The following NEURL1B variants were observed in gnomAD, a reference collection of about 807,000 sequenced individuals.
NEURL1B encodes the protein E3 ubiquitin-protein ligase NEURL1B.
Under a neutral mutation model 37.4 loss-of-function variants are expected in NEURL1B, and 13 were observed. That is an observed-to-expected ratio of 0.35 (90% confidence interval 0.23 to 0.55). The LOEUF (loss-of-function observed/expected upper bound fraction) is 0.55. NEURL1B is among the 20% of genes least tolerant of loss of function. NEURL1B has a pLI of 0.89. For synonymous variants in NEURL1B, 432 were observed against 426.6 expected (o/e 1.01, Z -0.16); for missense variants, 790 against 879.2 (o/e 0.90, Z 1.28).
intron 2 of NEURL1B, among the ~76,000 whole-genome samples, chr5:172,682,432 C>T (rs1386482549): frequency 2.0e-5 from 3 of 152,084 alleles, no homozygotes; most frequent in East Asian, 1.9e-4. Context: ...AAAATTAAGC[C>T]GGGAGTGGTG....
intron 2 of NEURL1B, among the ~76,000 whole-genome samples, chr5:172,679,277 G>A (rs1032857481): frequency 1.3e-5 from 2 of 152,240 alleles, no homozygotes; most frequent in Admixed American, 6.5e-5. Flanking sequence ...ACCTCTCAGC[G>A]CCTCAGTGTT....
intron 2 of NEURL1B, among the ~76,000 whole-genome samples, chr5:172,670,708 C>T (rs1758113607): frequency 6.6e-6 from 1 of 151,584 alleles, no homozygotes; most frequent in Admixed American, 6.6e-5. Context: ...CTCATTCATT[C>T]ATTCACTCAT....
intron 3 of NEURL1B, among the ~76,000 whole-genome samples, chr5:172,685,410 C>T (rs1758473801): frequency 6.6e-6 from 1 of 152,200 alleles, no homozygotes; most frequent in East Asian, 1.9e-4. Context: ...TGCCCATTAT[C>T]TGTCCATTCA....
chr5:172,679,664 C>T (rs1224879701), intron 2 of NEURL1B, among the ~76,000 whole-genome samples: 5 of 152,238 alleles, frequency 3.3e-5, no homozygotes, highest in African/African-American at 1.2e-4. Flanking sequence ...TGAGGGGCTG[C>T]CGTGTGCCAG....
intron 3 of NEURL1B, among the ~76,000 whole-genome samples, chr5:172,685,401 G>C (rs1758473568): frequency 6.6e-6 from 1 of 152,186 alleles, no homozygotes; most frequent in East Asian, 1.9e-4. Flanking sequence ...GAGACGAAGT[G>C]CCCATTATCT....
intron 1 of NEURL1B, among the ~76,000 whole-genome samples, chr5:172,645,919 C>T (rs1163193856): frequency 1.3e-5 from 2 of 152,140 alleles, no homozygotes; most frequent in Non-Finnish European, 2.9e-5. Flanking sequence ...GTCTCTCCAC[C>T]GTGGGTTGTG....
intron 1 of NEURL1B, among the ~76,000 whole-genome samples, chr5:172,655,321 C>T (rs1757751217): frequency 6.6e-6 from 1 of 152,154 alleles, no homozygotes; most frequent in African/African-American, 2.4e-5. Context: ...TCTTGCCTTC[C>T]TCGTCCTGGG....
intron 2 of NEURL1B, among the ~76,000 whole-genome samples, chr5:172,673,148 TAAAAA>T (rs1260468753): frequency 6.6e-6 from 1 of 152,152 alleles, no homozygotes; most frequent in Non-Finnish European, 1.5e-5. Flanking sequence ...AATGTTGTAA[TAAAAA>T]TAAGCTAAGC....
At position 172,665,930 on chromosome 5, in the gene NEURL1B, A is replaced by G. The variant is rs1025315426; in HGVS notation, c.32-3855A>G. On this transcript the variant is annotated intron_variant, in intron 1 of 4. Transcript: ENST00000369800. The surrounding 1 kb of genome is among the most constrained non-coding windows in gnomAD (Gnocchi z 4.1). The stretch of plus-strand genomic sequence containing the variant: ...ACCTGGAGAGACTCAGATCTCCACG[A>G]AGGCAGGATGTGTGTGATCTGCAGA... 1.3e-5 allele frequency among the ~76,000 whole-genome samples: 2 copies of G among 152,188 alleles called. No homozygotes were observed. Among genetic ancestry groups the G allele is most frequent in the Non-Finnish European group, 2.9e-5 (2 of 68,032 alleles).
At chr5:172,684,775 C>T (rs1339978000) in intron 3 of NEURL1B, among the ~76,000 whole-genome samples, 1 of 152,154 alleles carries the variant, frequency 6.6e-6, no homozygotes, top group South Asian at 2.1e-4. Flanking sequence ...CACTCCATGC[C>T]GGTTAGGAGC....
At chr5:172,679,785 G>A (rs561139174) in intron 2 of NEURL1B, among the ~76,000 whole-genome samples, 38 of 152,258 alleles carry the variant, frequency 2.5e-4, no homozygotes, top group African/African-American at 6.3e-4. Flanking sequence ...GAACCTGCCC[G>A]GCCACAGATC....
At chr5:172,685,725 C>G (rs1758478628) in intron 3 of NEURL1B, among the ~76,000 whole-genome samples, 1 of 152,234 alleles carries the variant, frequency 6.6e-6, no homozygotes, top group Non-Finnish European at 1.5e-5. Context: ...TCAGGCAGGC[C>G]TTTGCCACGG....
intron 1 of NEURL1B, chr5:172,656,832 C>G: frequency 3.2e-6 from 2 of 618,832 alleles, no homozygotes; most frequent in Non-Finnish European, 5.7e-6. Context: ...GCCATGTCCT[C>G]ATCTTTAGGA....
rs555390351 is a variant in NEURL1B at position 172,661,766 on chromosome 5, G to A, written c.32-8019G>A. Among the ~76,000 whole-genome samples, 38 of 152,336 alleles carry A rather than the reference G, an allele frequency of 2.5e-4. No homozygotes were observed. The South Asian group carries it at 7.2e-3, about 29-fold the overall frequency. On this transcript the variant is annotated intron_variant, in intron 1 of 4. Transcript: ENST00000369800. This position sits in a 1 kb window ranked among gnomAD's most constrained non-coding sequence, Gnocchi z 4.0. Reference sequence around the variant, plus strand: ...GCCGGCGTCTCGGGGCCAGAGTATCGGGAGCTGTTGCTTCCTGCCATCCTC... The same window carrying A: ...GCCGGCGTCTCGGGGCCAGAGTATCAGGAGCTGTTGCTTCCTGCCATCCTC...
Position 172,683,645 on chromosome 5 carries a change from GC to G in NEURL1B, c.807del (p.Ala270ArgfsTer21). 8.0e-7 allele frequency: 1 copy of G among 1,246,516 alleles called. No homozygotes were observed. Among genetic ancestry groups the G allele is most frequent in the Non-Finnish European group, 1.0e-6 (1 of 987,528 alleles). 77.2% of individuals were successfully genotyped at this position (1,246,516 alleles called of 1,614,324 possible). A position where few individuals can be genotyped will look rare whatever the true frequency, so the allele number is the denominator to read the frequency against. On this transcript the variant is annotated frameshift_variant, in exon 3 of 5. Transcript: ENST00000369800. LOFTEE classifies it high-confidence loss of function. The surrounding 1 kb of genome is among the most constrained non-coding windows in gnomAD (Gnocchi z 5.6). ...CGTGCGGGCCCCGTGAGCGCCCGCGGCCCGCGTCGTCGCCGGCGCTACTGGA... is the reference window on the plus strand; with the variant it reads ...CGTGCGGGCCCCGTGAGCGCCCGCGGCCGCGTCGTCGCCGGCGCTACTGGA... ...IPCGPRERPRPASSPALLEAD... is the reference protein window; with the variant it reads ...IPCGPRERPRXASSPALLEAD...
intron 1 of NEURL1B, among the ~76,000 whole-genome samples, chr5:172,653,275 G>GC (rs1554097455): frequency 6.6e-6 from 1 of 151,818 alleles, no homozygotes; most frequent in Non-Finnish European, 1.5e-5. Flanking sequence ...TTTAGCACCT[G>GC]TTTTTTTTAG....
At position 172,670,349 on chromosome 5, in the gene NEURL1B, GC is replaced by G; in HGVS notation, c.577+24del. On this transcript the variant is annotated intron_variant, in intron 2 of 4. Transcript: ENST00000369800. ...CTTCTGGGTAGGTCGCGGGCGCGGC[GC>G]CCCCTGGGGACCTGGCAGCGGTGCC... 7.4e-7 allele frequency: 1 copy of G among 1,344,484 alleles called. No individual in the cohort carries two copies. The highest frequency in any genetic ancestry group is 9.5e-7 in the Non-Finnish European group (1 of 1,051,362). The allele number at this position is 1,344,484 out of a possible 1,614,324, so 83.3% of individuals were successfully genotyped here.
At chr5:172,648,699 C>G (rs1223101637) in intron 1 of NEURL1B, among the ~76,000 whole-genome samples, 1 of 152,276 alleles carries the variant, frequency 6.6e-6, no homozygotes, top group South Asian at 2.1e-4. Context: ...TTTGGCAGAA[C>G]TCTGTAAGCA....
intron 2 of NEURL1B, among the ~76,000 whole-genome samples, chr5:172,671,720 T>C (rs1275191495): frequency 1.3e-5 from 2 of 152,270 alleles, no homozygotes; most frequent in African/African-American, 4.8e-5. Context: ...TTGGGCTGTT[T>C]CTGGCTTTTC....
Sources: gnomAD v4.1 joint callset for allele counts (sites outside exome capture counted in the v4.1 genomes callset) on GRCh38, gnomAD v4.1.1 for gene constraint, Gnocchi (gnomAD v3.1) non-coding constraint, MANE v1.5 for transcripts, NCBI Gene and HGNC (gene_info 2026-07-23, HGNC 2026-07-21) for gene names.